Variants in CACNA1E observed in about 807,000 individuals in gnomAD.
The protein encoded by CACNA1E is voltage-dependent R-type calcium channel subunit alpha-1E.
CACNA1E carries 40 observed loss-of-function variants against 259.2 expected under a neutral mutation model. The ratio of observed to expected loss-of-function variants is 0.15; its 90% CI spans 0.12 to 0.20. The LOEUF (loss-of-function observed/expected upper bound fraction) is 0.20. Ranked by LOEUF, CACNA1E falls within the 10% of genes least tolerant of loss-of-function variation. The pLI, the probability that CACNA1E is intolerant of heterozygous loss-of-function variation, is 1.00. For synonymous variants in CACNA1E, 1,104 were observed against 1,138.5 expected (o/e 0.97, Z 0.61); for missense variants, 1,874 against 3,040.1 (o/e 0.62, Z 9.02).
rs1051371095 is a variant in CACNA1E, at chr1:181,785,748, A to G, written c.5715A>G (p.Ser1905=). 4 of 1,613,308 alleles carry G rather than the reference A, an allele frequency of 2.5e-6. No homozygotes were observed. In the South Asian group the frequency reaches 3.3e-5, roughly 13 times the overall value. ...CCATGTTCCAGCGCATGGAGCCTTC[A>G]TCTCTGCCTCAGGAGATCATTGCTA... ...NAPMFQRMEP[S]SLPQEIIANA... is the part of the protein sequence containing the mutation. Residue 1905 remains serine (S), a synonymous_variant, in exon 43 of 48, where the codon TCA becomes TCG. Coordinates refer to ENST00000367573, the MANE Select transcript of CACNA1E (RefSeq NM_001205293.3).
chr1:181,505,430 C>T (rs866312783), intron 1 of CACNA1E, among the ~76,000 whole-genome samples: 10 of 151,798 alleles, frequency 6.6e-5, no homozygotes, highest in Non-Finnish European at 1.2e-4. Context: ...GGAATGCAGT[C>T]GCACGATCTC....
intron 7 of CACNA1E, among the ~76,000 whole-genome samples, chr1:181,663,794 A>AT (rs1260123850): frequency 6.6e-6 from 1 of 152,144 alleles, no homozygotes; most frequent in African/African-American, 2.4e-5. Context: ...CATTGCTAAT[A>AT]TTTTTTTCTT....
At chr1:181,400,358 C>T (rs1422700969) in intron 1 of CACNA1E, among the ~76,000 whole-genome samples, 1 of 152,022 alleles carries the variant, frequency 6.6e-6, no homozygotes, top group Admixed American at 6.5e-5. Context: ...TGCCTGCTAC[C>T]CCTCCTTTCC....
chr1:181,697,304 GA>G (rs1651804595), intron 7 of CACNA1E, among the ~76,000 whole-genome samples: 1 of 152,224 alleles, frequency 6.6e-6, no homozygotes, highest in Admixed American at 6.5e-5. Flanking sequence ...TCTGTGGTCA[GA>G]AGAACCTTGT....
intron 46 of CACNA1E, among the ~76,000 whole-genome samples, chr1:181,795,838 A>G (rs1467907596): frequency 6.7e-6 from 1 of 149,616 alleles, no homozygotes; most frequent in Non-Finnish European, 1.5e-5. Context: ...CAAAGTTGAA[A>G]AAGCAGTGAC....
chr1:181,435,624 A>G (rs1159981546), intron 2 of CACNA1E, among the ~76,000 whole-genome samples: 1 of 152,156 alleles, frequency 6.6e-6, no homozygotes, highest in Non-Finnish European at 1.5e-5. Flanking sequence ...TGCCAGAACC[A>G]TGGCCATTTA....
chr1:181,431,971 G>T (rs1480072512), intron 2 of CACNA1E, among the ~76,000 whole-genome samples: 2 of 152,176 alleles, frequency 1.3e-5, no homozygotes, highest in South Asian at 2.1e-4. Flanking sequence ...TGTCAACAGG[G>T]TCTGCCCACC....
Position 181,551,907 on chromosome 1 carries a change from T to A in CACNA1E, c.513-25859T>A, listed in dbSNP as rs1299200417. On this transcript the variant is annotated intron_variant, in intron 3 of 47. Transcript: ENST00000367573. Reference sequence around the variant, plus strand: ...TTCCTTCCCCCCTCCTTTCCTTGCATCCTTTCATTTTTTTGGCAAAATTCT... The same window carrying A: ...TTCCTTCCCCCCTCCTTTCCTTGCAACCTTTCATTTTTTTGGCAAAATTCT... 2.0e-5 allele frequency among the ~76,000 whole-genome samples: 3 copies of A among 152,072 alleles called. No homozygotes were observed. In the East Asian group the frequency reaches 5.8e-4, roughly 29 times the overall value.
At chr1:181,376,378 C>A (rs1416245548) in intron 1 of CACNA1E, among the ~76,000 whole-genome samples, 1 of 152,236 alleles carries the variant, frequency 6.6e-6, no homozygotes, top group African/African-American at 2.4e-5. Flanking sequence ...GCTGGAAGAG[C>A]CGCTTTTCCT....
chr1:181,388,546 T>C (rs1183184788), intron 1 of CACNA1E, among the ~76,000 whole-genome samples: 2 of 152,204 alleles, frequency 1.3e-5, no homozygotes, highest in African/African-American at 4.8e-5. Context: ...ATGGTAAGTA[T>C]TTGTGTATCT....
At chr1:181,440,486 CA>C (rs1175306508) in intron 2 of CACNA1E, among the ~76,000 whole-genome samples, 1 of 152,134 alleles carries the variant, frequency 6.6e-6, no homozygotes, top group Non-Finnish European at 1.5e-5. Context: ...CACCAAAGAA[CA>C]ATAGCAAGCT....
chr1:181,613,319 C>G (rs1322719219), intron 6 of CACNA1E, among the ~76,000 whole-genome samples: 1 of 152,122 alleles, frequency 6.6e-6, no homozygotes, highest in Non-Finnish European at 1.5e-5. Flanking sequence ...TTTGAGACCC[C>G]CCAAACTTAA....
chr1:181,548,747 TG>T (rs922682024), intron 3 of CACNA1E, among the ~76,000 whole-genome samples: 13 of 152,354 alleles, frequency 8.5e-5, no homozygotes, highest in African/African-American at 3.1e-4. Flanking sequence ...GGTTTCCAGA[TG>T]GGCAAAGATA....
At chr1:181,702,715 C>A (rs915390206) in intron 7 of CACNA1E, among the ~76,000 whole-genome samples, 1 of 152,114 alleles carries the variant, frequency 6.6e-6, no homozygotes, top group Non-Finnish European at 1.5e-5. Context: ...TGCCTGGAAT[C>A]CTCCTCCCCG....
intron 6 of CACNA1E, among the ~76,000 whole-genome samples, chr1:181,591,372 T>C (rs1335867229): frequency 6.6e-6 from 1 of 152,232 alleles, no homozygotes; most frequent in Non-Finnish European, 1.5e-5. Flanking sequence ...GTGATCACAC[T>C]ATTACCTTTC....
At position 181,766,676 on chromosome 1, in the gene CACNA1E, A is replaced by G. The variant is rs1363047971; in HGVS notation, c.4881+65A>G. The G allele has an allele frequency of 3.3e-6, 4 of 1,228,820 alleles. No individual in the cohort carries two copies. In the East Asian group the frequency reaches 9.5e-5, roughly 29 times the overall value. 76.1% of individuals were successfully genotyped at this position (1,228,820 alleles called of 1,614,324 possible). A position where few individuals can be genotyped will look rare whatever the true frequency, so the allele number is the denominator to read the frequency against. On this transcript the variant is annotated intron_variant, in intron 35 of 47. Transcript: ENST00000367573. ...TACCCAGATAATCTCTGGCTTAGCA[A>G]CCTAAGCATGCAAGACCTGAAGATG...
intron 2 of CACNA1E, among the ~76,000 whole-genome samples, chr1:181,474,486 C>T (rs1230617095): frequency 2.0e-5 from 3 of 152,170 alleles, no homozygotes; most frequent in Non-Finnish European, 2.9e-5. Flanking sequence ...GAAAACTTCC[C>T]GTAGCATGGG....
At chr1:181,794,443 T>TAA (rs3830693) in intron 45 of CACNA1E, among the ~76,000 whole-genome samples, 46 of 146,210 alleles carry the variant, frequency 3.1e-4, no homozygotes, top group African/African-American at 1.1e-3. Flanking sequence ...CAAGGGCGTT[T>TAA]AAAAAAAAAA....
At chr1:181,705,488 A>G (rs1652704662) in intron 7 of CACNA1E, among the ~76,000 whole-genome samples, 1 of 152,232 alleles carries the variant, frequency 6.6e-6, no homozygotes, top group Non-Finnish European at 1.5e-5. Flanking sequence ...CTTAGTTTCC[A>G]TGACTGAAAT....
Sources: allele counts gnomAD v4.1 joint callset (sites outside exome capture counted in the v4.1 genomes callset), GRCh38; gene constraint gnomAD v4.1.1; transcripts MANE v1.5; gene names NCBI Gene and HGNC (gene_info 2026-07-23, HGNC 2026-07-21).